Variants in FGF20 observed in about 807,000 individuals in gnomAD.
The protein encoded by FGF20 is fibroblast growth factor 20.
In FGF20, 8 loss-of-function variants were observed where a neutral mutation model predicts 16.7. That is an observed-to-expected ratio of 0.48 (90% CI 0.28 to 0.87). The LOEUF is 0.87. Ranked by LOEUF, FGF20 falls within the 40% of genes least tolerant of loss-of-function variation. The probability of loss-of-function intolerance (pLI) is 0.10; values close to 1 mark genes in which losing one functional copy is unlikely to be tolerated. For missense variants in FGF20, 397 were observed against 281.4 expected, an observed-to-expected ratio of 1.41 and a Z score of -2.94; for synonymous variants, 161 against 118.6, an observed-to-expected ratio of 1.36 and a Z score of -2.32.
chr8:16,993,518 G>T (rs1304996459), intron 2 of FGF20, among the ~76,000 whole-genome samples: 1 of 151,922 alleles, frequency 6.6e-6, no homozygotes, highest in Non-Finnish European at 1.5e-5. Context: ...GTACTTTAAA[G>T]TTGCAGTCCC....
At chr8:16,999,746 G>A (rs1417110157) in intron 1 of FGF20, among the ~76,000 whole-genome samples, 1 of 138,110 alleles carries the variant, frequency 7.2e-6, no homozygotes, top group African/African-American at 2.8e-5. Flanking sequence ...TCACTATCTT[G>A]GCCAGGCTGG....
intron 1 of FGF20, among the ~76,000 whole-genome samples, chr8:16,998,561 A>AT (rs1810108653): frequency 6.6e-6 from 1 of 152,080 alleles, no homozygotes; most frequent in Non-Finnish European, 1.5e-5. Flanking sequence ...TTTTAGATAG[A>AT]TTTTCTAATG....
rs556236317 is a variant in FGF20 at position 16,993,153 on chromosome 8, C to G, written c.555G>C (p.Gln185His). The change falls in exon 3 of 3, where the codon CAG becomes CAC. Residue 185 changes from glutamine (Q) to histidine (H), a missense_variant. Physicochemically the swap from Gln to His is conservative, Grantham distance 24. Coordinates refer to ENST00000180166, the MANE Select transcript of FGF20 (RefSeq NM_019851.3). ...GTCTAGGTAAGAAATGTGTAAATTT[C>G]TGATGCCTCTTGGACCTGGCGCCAT... ...PRDGARSKRH[Q>H]KFTHFLPRPV... The G allele has an allele frequency of 3.7e-6, 6 of 1,614,076 alleles. No homozygotes were observed. Among genetic ancestry groups the G allele is most frequent in the Non-Finnish European group, 1.7e-6 (2 of 1,180,012 alleles).
rs533886836 is a variant in FGF20 at position 17,001,782 on chromosome 8, C to T, written c.251G>A (p.Ser84Asn). The change falls in exon 1 of 3, where the codon AGC becomes AAC. Residue 84 changes from serine to asparagine, a missense_variant. Transcript: ENST00000180166. Reference protein sequence around the residue: ...GFHLQILPDGSVQGTRQDHSL... With the variant: ...GFHLQILPDGNVQGTRQDHSL... ...GTGGTCCTGCCGGGTGCCCTGCACG[C>T]TGCCGTCGGGCAGGATCTGCAGGTG... 86 of 1,573,184 alleles carry T rather than the reference C, an allele frequency of 5.5e-5. No individual in the cohort carries two copies. The African/African-American group carries it at 9.8e-4, about 18-fold the overall frequency.
intron 1 of FGF20, among the ~76,000 whole-genome samples, 193 bp from the exon 2 acceptor site, chr8:16,995,951 G>C (rs552107752): frequency 6.6e-6 from 1 of 152,294 alleles, no homozygotes; most frequent in East Asian, 1.9e-4. Context: ...GGACAAAAAA[G>C]GAAAAAATTG....
In FGF20 at chr8:16,993,225, A is replaced by G. The variant is rs753730773; in HGVS notation, c.483T>C (p.Thr161=). The G allele has an allele frequency of 2.0e-5, 33 of 1,613,982 alleles. 1 individual carries two copies. The South Asian group carries it at 3.4e-4, about 17-fold the overall frequency. Residue 161 remains threonine, a synonymous_variant, in exon 3 of 3, where the codon ACT becomes ACC. Coordinates refer to ENST00000180166, the MANE Select transcript of FGF20 (RefSeq NM_019851.3). ...YSSNIYKHGD[T]GRRYFVALNK... is the part of the protein sequence containing the mutation. Reference sequence around the variant, plus strand: ...TAAGTGCCACAAAATACCTGCGGCCAGTGTCTCCATGTTTATATATGTTAG... The same window carrying G: ...TAAGTGCCACAAAATACCTGCGGCCGGTGTCTCCATGTTTATATATGTTAG...
chr8:16,998,649 T>A (rs571769928), intron 1 of FGF20, among the ~76,000 whole-genome samples: 11 of 152,150 alleles, frequency 7.2e-5, no homozygotes, highest in African/African-American at 2.6e-4. Flanking sequence ...TTAATAATCA[T>A]AATAAACAGG....
chr8:16,993,810 T>C (rs998516954), intron 2 of FGF20, among the ~76,000 whole-genome samples: 3 of 152,204 alleles, frequency 2.0e-5, no homozygotes, highest in Admixed American at 1.3e-4. Context: ...ATAAGAAGCA[T>C]GCAACCCAGA....
At chr8:17,000,876 T>C (rs17550011) in intron 1 of FGF20, among the ~76,000 whole-genome samples, 89 of 152,218 alleles carry the variant, frequency 5.8e-4, no homozygotes, top group African/African-American at 2.1e-3. Flanking sequence ...GGAGGTATTC[T>C]GAAACACGTC....
intron 1 of FGF20, among the ~76,000 whole-genome samples, chr8:17,000,408 T>A (rs1480271106): frequency 6.6e-6 from 1 of 152,110 alleles, no homozygotes; most frequent in Non-Finnish European, 1.5e-5. Context: ...TTCTCCAAAG[T>A]TTTAATGAGT....
At chr8:16,995,184 T>A (rs548557063) in intron 2 of FGF20, among the ~76,000 whole-genome samples, 2 of 152,354 alleles carry the variant, frequency 1.3e-5, no homozygotes, top group South Asian at 4.1e-4. Flanking sequence ...TTTGCCATCT[T>A]CTCCTGTTAC....
intron 1 of FGF20, among the ~76,000 whole-genome samples, chr8:16,999,644 C>G (rs1810136296): frequency 6.7e-6 from 1 of 150,244 alleles, no homozygotes; most frequent in Non-Finnish European, 1.5e-5. Flanking sequence ...GCCTCAGCCT[C>G]CCAAATAGCT....
At chr8:16,993,781 C>A (rs2517035) in intron 2 of FGF20, among the ~76,000 whole-genome samples, 1 of 152,172 alleles carries the variant, frequency 6.6e-6, no homozygotes, top group Non-Finnish European at 1.5e-5. Context: ...AGTGACACAT[C>A]ATCAGGCATT....
Position 16,993,279 on chromosome 8 carries a change from A to C in FGF20, c.429T>G (p.Phe143Leu). Residue 143 changes from phenylalanine to leucine, a missense_variant, in exon 3 of 3, where the codon TTT becomes TTG. Coordinates refer to ENST00000180166, the MANE Select transcript of FGF20 (RefSeq NM_019851.3). ...LTSECIFREQ[F>L]EENWYNTYSS... ...AATAGGTGTTATACCAGTTCTCTTC[A>C]AACTGCTCCCTAAAGATGCATTCGG... The C allele has an allele frequency of 6.2e-7, 1 of 1,613,904 alleles. No individual in the cohort carries two copies. Among genetic ancestry groups the C allele is most frequent in the Non-Finnish European group, 8.5e-7 (1 of 1,179,878 alleles).
chr8:16,999,557 C>G (rs559760757), intron 1 of FGF20, among the ~76,000 whole-genome samples: 107 of 109,924 alleles, frequency 9.7e-4, no homozygotes, highest in African/African-American at 3.6e-3. Flanking sequence ...GAGTCTTGGT[C>G]TGTCGCCAAG....
chr8:17,002,165 T>C lies in FGF20; in HGVS notation c.-133A>G, dbSNP rs1810205256. Reference sequence around the variant, plus strand: ...GGCCCGGTTACTCCTCTGAGGTCGCTCCGGAGGGACTTTGCACTGAAATGG... The same window carrying C: ...GGCCCGGTTACTCCTCTGAGGTCGCCCCGGAGGGACTTTGCACTGAAATGG... On this transcript the variant is annotated 5_prime_UTR_variant, in exon 1 of 3. Transcript: ENST00000180166. The C allele has an allele frequency of 9.0e-6, 8 of 887,738 alleles. No individual in the cohort carries two copies. The highest frequency in any genetic ancestry group is 9.3e-6 in the Non-Finnish European group (6 of 641,890). 55.0% of individuals were successfully genotyped at this position (887,738 alleles called of 1,614,324 possible). A position where few individuals can be genotyped will look rare whatever the true frequency, so the allele number is the denominator to read the frequency against.
At chr8:17,001,002 A>G (rs1334401164) in intron 1 of FGF20, among the ~76,000 whole-genome samples, 1 of 152,036 alleles carries the variant, frequency 6.6e-6, no homozygotes, top group Non-Finnish European at 1.5e-5. Context: ...TGGCTGAAGA[A>G]CTAGGCATGC....
intron 1 of FGF20, 67 bp from the exon 2 acceptor site, chr8:16,995,825 A>C: frequency 2.3e-6 from 2 of 869,690 alleles, no homozygotes; most frequent in African/African-American, 1.7e-5. Context: ...TGACTAACAA[A>C]AATCTTCCAA....
rs1328342914 is a variant in FGF20 at position 17,002,010 on chromosome 8, C to G, written c.23G>C (p.Gly8Ala). The G allele has an allele frequency of 6.5e-7, 1 of 1,536,950 alleles. No homozygotes were observed. The highest frequency in any genetic ancestry group is 2.7e-5 in the East Asian group (1 of 37,530). Reference protein sequence around the residue: MAPLAEVGGFLGGLEGLG... With the variant: MAPLAEVAGFLGGLEGLG... Reference sequence around the variant, plus strand: ...GCCCTCCAGGCCGCCCAGAAAGCCCCCGACTTCGGCTAAGGGAGCCATGGA... The same window carrying G: ...GCCCTCCAGGCCGCCCAGAAAGCCCGCGACTTCGGCTAAGGGAGCCATGGA... The change falls in exon 1 of 3, where the codon GGG becomes GCG. Residue 8 changes from glycine (G) to alanine (A), a missense_variant. Physicochemically the swap from Gly to Ala is moderately conservative, Grantham distance 60 (BLOSUM62 0). Coordinates refer to ENST00000180166, the MANE Select transcript of FGF20 (RefSeq NM_019851.3).
Sources: gnomAD v4.1 joint callset for allele counts (sites outside exome capture counted in the v4.1 genomes callset) on GRCh38, gnomAD v4.1.1 for gene constraint, MANE v1.5 for transcripts, NCBI Gene and HGNC (gene_info 2026-07-23, HGNC 2026-07-21) for gene names.